The following SCAF1 variants were observed in gnomAD, a reference collection of about 807,000 sequenced individuals.
SCAF1 encodes the protein splicing factor, arginine/serine-rich 19.
A neutral mutation model predicts 91.2 loss-of-function variants in SCAF1; 28 were observed. The ratio of observed to expected loss-of-function variants is 0.31; its 90% CI spans 0.23 to 0.42. The LOEUF (loss-of-function observed/expected upper bound fraction) is 0.42. SCAF1 is among the 10% of genes least tolerant of loss of function. The pLI, the probability that SCAF1 is intolerant of heterozygous loss-of-function variation, is 1.00. For missense variants in SCAF1, 1,893 were observed against 1,872.1 expected (o/e 1.01, Z -0.21); for synonymous variants, 1,036 against 833.7 (o/e 1.24, Z -4.18).
chr19:49,651,379 T>TCCCG lies in SCAF1; in HGVS notation c.994_997dup (p.Pro333ArgfsTer14). 6.2e-7 allele frequency: 1 copy of TCCCG among 1,606,766 alleles called. No homozygotes were observed. The highest frequency in any genetic ancestry group is 8.5e-7 in the Non-Finnish European group (1 of 1,179,130). ...CGGACGCGCAGCCCACACAGCCGAC[T>TCCCG]CCCGCCCCTGGAACGCCGCCCCAGG... On this transcript the variant is annotated frameshift_variant, in exon 7 of 11. Coordinates refer to ENST00000360565, the MANE Select transcript of SCAF1 (RefSeq NM_021228.3). LOFTEE classifies it high-confidence loss of function.
rs747803062 is a variant in SCAF1 at position 49,654,735 on chromosome 19, C to T, written c.3483C>T (p.Pro1161=). The T allele has an allele frequency of 1.9e-6, 3 of 1,614,056 alleles. No homozygotes were observed. The highest frequency in any genetic ancestry group is 2.5e-6 in the Non-Finnish European group (3 of 1,179,974). ...CCTCTTTGGGTCTGCCCCCTGGCCC[C>T]TCCAGCTACCTGCTTCCTGGCAGCC... ...VPTSLGLPPG[P]SSYLLPGSLP... is the part of the protein sequence containing the mutation. Residue 1161 remains proline (P), a synonymous_variant, in exon 9 of 11, where the codon CCC becomes CCT. Transcript: ENST00000360565.
Position 49,645,124 on chromosome 19 carries a change from C to T in SCAF1, c.98C>T (p.Ala33Val). 6.2e-7 allele frequency: 1 copy of T among 1,613,890 alleles called. No individual in the cohort carries two copies. The highest frequency in any genetic ancestry group is 1.1e-5 in the South Asian group (1 of 91,056). Residue 33 changes from alanine (A) to valine (V), a missense_variant, in exon 2 of 11, where the codon GCC becomes GTC. Around this residue, in one of 5 missense-constraint regions of SCAF1, gnomAD observed 270 missense variants for 292.5 expected, o/e 0.92. Transcript: ENST00000360565. This position sits in a 1 kb window ranked among gnomAD's most constrained non-coding sequence, Gnocchi z 4.6. ...PDRDPTLSPS[A>V]FILRAIQQAV... ...AGAGACCCCACGCTTTCTCCTTCTG[C>T]CTTTATCCTGGTGAGGCTGCTGGGC...
At position 49,654,490 on chromosome 19, in the gene SCAF1, A is replaced by G. The variant is rs906983319; in HGVS notation, c.3399+59A>G. 7 of 1,541,266 alleles carry G rather than the reference A, an allele frequency of 4.5e-6. No individual in the cohort carries two copies. The African/African-American group carries it at 5.5e-5, about 12-fold the overall frequency. On this transcript the variant is annotated intron_variant, in intron 8 of 10. Transcript: ENST00000360565. ...CTTCTTTTGTCCATTGCCTCGGGTT[A>G]GGAGAGGAACCGCGGGCCTGGCAGC...
rs1380628345 is a variant in SCAF1, at chr19:49,653,399, G to A, written c.3010G>A (p.Val1004Ile). 1.3e-6 allele frequency: 2 copies of A among 1,542,680 alleles called. No homozygotes were observed. Among genetic ancestry groups the A allele is most frequent in the Non-Finnish European group, 1.7e-6 (2 of 1,143,044 alleles). The change falls in exon 7 of 11, where the codon GTC becomes ATC. Residue 1004 changes from valine to isoleucine, a missense_variant. Val to Ile is a conservative substitution (Grantham distance 29, BLOSUM62 3). Around this residue, in one of 5 missense-constraint regions of SCAF1, gnomAD observed 1,436 missense variants for 1,306.8 expected, o/e 1.10. Transcript: ENST00000360565. Reference protein sequence around the residue: ...TVDSSCKTPEVSFLPEEATEE... With the variant: ...TVDSSCKTPEISFLPEEATEE... ...GGACAGCAGCTGCAAGACACCTGAG[G>A]TCTCCTTCCTGCCCGAGGAGGCCAC...
At chr19:49,654,599 C>T (rs1004854060) in intron 8 of SCAF1, 53 bp from the exon 9 acceptor site, 1 of 1,437,754 alleles carries the variant, frequency 7.0e-7, no homozygotes, top group Non-Finnish European at 9.7e-7. Flanking sequence ...GTGCACGTCC[C>T]CTCTTCCCCT....
At position 49,651,135 on chromosome 19, in the gene SCAF1, A is replaced by G; in HGVS notation, c.746A>G (p.Asp249Gly). Residue 249 changes from aspartate (D) to glycine (G), a missense_variant, in exon 7 of 11, where the codon GAC (aspartate) becomes GGC (glycine). Asp to Gly is a moderately conservative substitution (Grantham distance 94). Coordinates refer to ENST00000360565, the MANE Select transcript of SCAF1 (RefSeq NM_021228.3). ...CCGCCTGCTCCGGAGCAAAAGTACG[A>G]CCCTTTTGAGCCCACCGGCTCCAAC... ...SPPPAPEQKY[D>G]PFEPTGSNPS... 1 of 1,610,186 alleles carries G rather than the reference A, an allele frequency of 6.2e-7. No individual in the cohort carries two copies. Among genetic ancestry groups the G allele is most frequent in the Non-Finnish European group, 8.5e-7 (1 of 1,178,940 alleles).
At position 49,652,471 on chromosome 19, in the gene SCAF1, G is replaced by A. The variant is rs1304276715; in HGVS notation, c.2082G>A (p.Thr694=). 3.1e-6 allele frequency: 5 copies of A among 1,599,010 alleles called. No homozygotes were observed. Among genetic ancestry groups the A allele is most frequent in the Non-Finnish European group, 2.6e-6 (3 of 1,175,806 alleles). The part of the protein sequence containing the change: ...GAVPPSIQDL[T]DHDLFAIKRT... ...TGCCACCCTCCATCCAGGACCTCAC[G>A]GACCACGACCTCTTCGCCATCAAGC... The change falls in exon 7 of 11, where the codon ACG becomes ACA. Residue 694 remains threonine, a synonymous_variant. Coordinates refer to ENST00000360565, the MANE Select transcript of SCAF1 (RefSeq NM_021228.3).
Position 49,653,273 on chromosome 19 carries a change from A to G in SCAF1, c.2884A>G (p.Thr962Ala), listed in dbSNP as rs1257746128. 2.7e-6 allele frequency: 4 copies of G among 1,473,584 alleles called. No individual in the cohort carries two copies. Among genetic ancestry groups the G allele is most frequent in the Admixed American group, 2.6e-5 (1 of 39,042 alleles). The allele number at this position is 1,473,584 out of a possible 1,614,324, so 91.3% of individuals were successfully genotyped here. The change falls in exon 7 of 11, where the codon ACT becomes GCT. Residue 962 changes from threonine (T) to alanine (A), a missense_variant. This residue lies in a region of SCAF1 where 1,436 missense variants were observed against 1,306.8 expected (regional missense o/e 1.10). Coordinates refer to ENST00000360565, the MANE Select transcript of SCAF1 (RefSeq NM_021228.3). Reference sequence around the variant, plus strand: ...GGCAGGCACCAAGGGGGCGGAGGAGACTTCCTGGTCCGGGGAGGAGCGGGC... The same window carrying G: ...GGCAGGCACCAAGGGGGCGGAGGAGGCTTCCTGGTCCGGGGAGGAGCGGGC... ...QAAGTKGAEE[T>A]SWSGEERAAK...
chr19:49,652,045 C>A lies in SCAF1; in HGVS notation c.1656C>A (p.Ser552=). Residue 552 remains serine (S), a synonymous_variant, in exon 7 of 11, where the codon TCC becomes TCA. Transcript: ENST00000360565. ...CCGCCCCGGCCTCGCCCTGGGACTC[C>A]AAGAAGCACCGCTCGCGGGACCGCA... ...APPAPASPWD[S]KKHRSRDRKP... 8.1e-7 allele frequency: 1 copy of A among 1,237,388 alleles called. No individual in the cohort carries two copies. The highest frequency in any genetic ancestry group is 1.0e-6 in the Non-Finnish European group (1 of 977,530). The allele number at this position is 1,237,388 out of a possible 1,614,324, so 76.7% of individuals were successfully genotyped here. A position where few individuals can be genotyped will look rare whatever the true frequency, so the allele number is the denominator to read the frequency against.
chr19:49,651,415 C>A lies in SCAF1; in HGVS notation c.1026C>A (p.Thr342=), dbSNP rs762051413. The part of the protein sequence containing the change: ...APGTPPQVDS[T]RADGAMRRRV... ...GAACGCCGCCCCAGGTGGACTCCAC[C>A]CGGGCTGATGGAGCCATGCGCCGGC... Residue 342 remains threonine, a synonymous_variant, in exon 7 of 11, where the codon ACC becomes ACA. Transcript: ENST00000360565. The A allele has an allele frequency of 1.2e-6, 2 of 1,605,996 alleles. No individual in the cohort carries two copies. The highest frequency in any genetic ancestry group is 1.7e-6 in the Non-Finnish European group (2 of 1,177,482).
At position 49,643,440 on chromosome 19, in the gene SCAF1, A is replaced by G. The variant is rs1436103277; in HGVS notation, c.-7+1198A>G. ...TGTGAAGAACTATTTTGTTCTATTT[A>G]CTTTTTAAAACAAGCTATTTGTGAA... is the stretch of plus-strand genomic sequence containing the variant. On this transcript the variant is annotated intron_variant, in intron 1 of 10. Coordinates refer to ENST00000360565, the MANE Select transcript of SCAF1 (RefSeq NM_021228.3). 5.3e-5 allele frequency among the ~76,000 whole-genome samples: 8 copies of G among 152,278 alleles called. No individual in the cohort carries two copies. In the South Asian group the frequency reaches 1.2e-3, roughly 24 times the overall value.
In SCAF1 at chr19:49,652,166, C is replaced by T; in HGVS notation, c.1777C>T (p.Arg593Cys). ...TRRRSRSTDR[R>C]RGGSRRSRSR... ...CCGCCGCTCGCGCAGCACCGACCGCCGCCGCGGGGGCAGCCGCAGGTCGCG... is the reference window on the plus strand; with the variant it reads ...CCGCCGCTCGCGCAGCACCGACCGCTGCCGCGGGGGCAGCCGCAGGTCGCG... The change falls in exon 7 of 11, where the codon CGC becomes TGC. Residue 593 changes from arginine (R) to cysteine (C), a missense_variant. By Grantham distance (180) the Arg-to-Cys change is radical (BLOSUM62 -3). Coordinates refer to ENST00000360565, the MANE Select transcript of SCAF1 (RefSeq NM_021228.3). 1.8e-6 allele frequency: 2 copies of T among 1,132,860 alleles called. No individual in the cohort carries two copies. Among genetic ancestry groups the T allele is most frequent in the Non-Finnish European group, 2.2e-6 (2 of 921,902 alleles). 70.2% of individuals were successfully genotyped at this position (1,132,860 alleles called of 1,614,324 possible).
Position 49,653,440 on chromosome 19 carries a change from C to G in SCAF1, c.3051C>G (p.Val1017=). Residue 1017 remains valine, a synonymous_variant, in exon 7 of 11, where the codon GTC becomes GTG. Coordinates refer to ENST00000360565, the MANE Select transcript of SCAF1 (RefSeq NM_021228.3). ...LPEEATEEAG[V]RGGAEEEEEE... ...AGGAGGCCACTGAGGAGGCTGGGGT[C>G]CGAGGTGGGGCGGAGGAGGAGGAGG... The G allele has an allele frequency of 6.5e-7, 1 of 1,547,086 alleles. No individual in the cohort carries two copies. Among genetic ancestry groups the G allele is most frequent in the Non-Finnish European group, 8.7e-7 (1 of 1,146,120 alleles).
chr19:49,644,002 A>G (rs1352687433), intron 1 of SCAF1, among the ~76,000 whole-genome samples: 1 of 152,196 alleles, frequency 6.6e-6, no homozygotes, highest in East Asian at 1.9e-4. Flanking sequence ...TAATAGTGTC[A>G]TTCCTCTTCA....
chr19:49,650,034 G>A (rs1177547880), intron 6 of SCAF1, among the ~76,000 whole-genome samples: 1 of 152,200 alleles, frequency 6.6e-6, no homozygotes, highest in Non-Finnish European at 1.5e-5. Flanking sequence ...TGTGACTGTG[G>A]CATCATGACT....
intron 7 of SCAF1, 82 bp downstream of exon 7, chr19:49,653,787 G>A (rs2081120871): frequency 1.5e-6 from 2 of 1,331,174 alleles, no homozygotes; most frequent in Non-Finnish European, 2.0e-6. Flanking sequence ...GAGGCAGTGG[G>A]GTGCCCTGGC....
chr19:49,652,802 T>G lies in SCAF1; in HGVS notation c.2413T>G (p.Ser805Ala), dbSNP rs769752107. ...GCCCCCCAAGGAGTCGGCGCCTTCC[T>G]CAGGGCCCCCGCCAAAGCCACCAGT... ...ARPPKESAPS[S>A]GPPPKPPVSS... The change falls in exon 7 of 11, where the codon TCA becomes GCA. Residue 805 changes from serine to alanine, a missense_variant. Around this residue, in one of 5 missense-constraint regions of SCAF1, gnomAD observed 1,436 missense variants for 1,306.8 expected, o/e 1.10. Coordinates refer to ENST00000360565, the MANE Select transcript of SCAF1 (RefSeq NM_021228.3). 1 of 1,613,466 alleles carries G rather than the reference T, an allele frequency of 6.2e-7. No individual in the cohort carries two copies. Among genetic ancestry groups the G allele is most frequent in the Admixed American group, 1.7e-5 (1 of 60,010 alleles).
chr19:49,645,203 C>A lies in SCAF1; in HGVS notation c.108+69C>A. The A allele has an allele frequency of 6.5e-7, 1 of 1,528,342 alleles. No homozygotes were observed. The highest frequency in any genetic ancestry group is 9.0e-7 in the Non-Finnish European group (1 of 1,105,392). The allele number at this position is 1,528,342 out of a possible 1,614,324, so 94.7% of individuals were successfully genotyped here. A position where few individuals can be genotyped will look rare whatever the true frequency, so the allele number is the denominator to read the frequency against. Reference sequence around the variant, plus strand: ...GCATCCACACTCCAGGGGCCTGACTCCAGGGCCTGAGGCAGGGGCGCTGGA... The same window carrying A: ...GCATCCACACTCCAGGGGCCTGACTACAGGGCCTGAGGCAGGGGCGCTGGA... On this transcript the variant is annotated intron_variant, in intron 2 of 10. Transcript: ENST00000360565. This position sits in a 1 kb window ranked among gnomAD's most constrained non-coding sequence, Gnocchi z 4.6.
At chr19:49,643,810 T>C (rs1275896152) in intron 1 of SCAF1, among the ~76,000 whole-genome samples, 1 of 152,122 alleles carries the variant, frequency 6.6e-6, no homozygotes, top group East Asian at 1.9e-4. Context: ...TGTAATAGAC[T>C]ATCAGGGTTG....
Sources: gnomAD v4.1 joint callset for allele counts (sites outside exome capture counted in the v4.1 genomes callset) on GRCh38, gnomAD v4.1.1 for gene constraint, gnomAD v4.1.1 regional missense constraint, Gnocchi (gnomAD v3.1) non-coding constraint, MANE v1.5 for transcripts, NCBI Gene and HGNC (gene_info 2026-07-23, HGNC 2026-07-21) for gene names.